The following CASP8 variants were observed in gnomAD, a reference collection of about 807,000 sequenced individuals.
CASP8 encodes caspase 8, also known as caspase-8.
Under a neutral mutation model 46.3 loss-of-function variants are expected in CASP8, and 24 were observed. The ratio of observed to expected loss-of-function variants is 0.52; its 90% CI spans 0.38 to 0.73. The LOEUF is 0.73. Ranked by LOEUF, CASP8 falls within the 30% of genes least tolerant of loss-of-function variation. The pLI is 0.00. For synonymous variants in CASP8, 188 were observed against 200.4 expected, an observed-to-expected ratio of 0.94 and a Z score of 0.52; for missense variants, 460 against 559.0, an observed-to-expected ratio of 0.82 and a Z score of 1.79.
At chr2:201,246,984 C>G (rs1309258982) in intron 2 of CASP8, among the ~76,000 whole-genome samples, 2 of 151,854 alleles carry the variant, frequency 1.3e-5, no homozygotes, top group Non-Finnish European at 2.9e-5. Context: ...ATCACGAGAT[C>G]AGGAGTTCAA....
At chr2:201,284,404 G>A (rs1263382167) in intron 7 of CASP8, among the ~76,000 whole-genome samples, 8 of 75,922 alleles carry the variant, frequency 1.1e-4, no homozygotes, top group Non-Finnish European at 3.0e-5. Flanking sequence ...CTGAGTGAAC[G>A]AGACTCCATC....
chr2:201,258,236 A>T (rs200010059), upstream of CASP8: 5 of 1,606,626 alleles, frequency 3.1e-6, no homozygotes, highest in Non-Finnish European at 4.3e-6. Flanking sequence ...GAGGCCATGG[A>T]GGGAGGCAGA....
At chr2:201,234,390 T>A (rs13416436) in intron 2 of CASP8, among the ~76,000 whole-genome samples, 10,889 of 152,214 alleles carry the variant, frequency 0.072, 1,282 homozygotes, top group African/African-American at 0.25. Context: ...CAGGGGATAC[T>A]GGGTAGTACG....
At chr2:201,262,494 G>A (rs1947492274) in intron 1 of CASP8, among the ~76,000 whole-genome samples, 1 of 151,662 alleles carries the variant, frequency 6.6e-6, no homozygotes, top group South Asian at 2.1e-4. Flanking sequence ...TAAAATATAT[G>A]TATTACATGG....
intron 2 of CASP8, among the ~76,000 whole-genome samples, chr2:201,253,009 G>C (rs1388889247): frequency 6.6e-6 from 1 of 151,966 alleles, no homozygotes; most frequent in African/African-American, 2.4e-5. Flanking sequence ...GTTTTAGACA[G>C]GGGCTCGCTC....
chr2:201,244,795 G>A (rs144963189), intron 2 of CASP8, among the ~76,000 whole-genome samples: 1 of 152,264 alleles, frequency 6.6e-6, no homozygotes, highest in East Asian at 1.9e-4. Flanking sequence ...ACCTATCTGA[G>A]TCTTTAGAAA....
In CASP8 at chr2:201,268,909, TTGTGTG is replaced by T. The variant is rs58087434; in HGVS notation, c.305+2161_305+2166del. ...CACCTAATCCAGTATGGCCTCATCT[TTGTGTG>T]TGTGTGTGTGTGTGTGTGTGTGTGT... On this transcript the variant is annotated intron_variant, in intron 2 of 8. Transcript: ENST00000673742. 3.6e-3 allele frequency among the ~76,000 whole-genome samples: 473 copies of T among 131,634 alleles called. 1 individual carries two copies. The highest frequency in any genetic ancestry group is 5.9e-3 in the African/African-American group (211 of 35,740). 86.4% of individuals were successfully genotyped at this position (131,634 alleles called of 152,430 possible).
At chr2:201,285,569 T>A (rs1286951301) in intron 8 of CASP8, among the ~76,000 whole-genome samples, 1 of 152,206 alleles carries the variant, frequency 6.6e-6, no homozygotes, top group African/African-American at 2.4e-5. Context: ...CCTTAGTTTA[T>A]AGATGGAAAA....
chr2:201,283,117 G>A (rs1949233998), intron 7 of CASP8, among the ~76,000 whole-genome samples: 1 of 67,376 alleles, frequency 1.5e-5, no homozygotes, highest in Non-Finnish European at 3.7e-5. Context: ...CTCCCTCCTG[G>A]GCGGGGCGGC....
intron 2 of CASP8, among the ~76,000 whole-genome samples, 155 bp from the exon 3 acceptor site, chr2:201,271,361 C>A (rs983791637): frequency 2.6e-5 from 4 of 152,226 alleles, no homozygotes; most frequent in Non-Finnish European, 5.9e-5. Context: ...TGTCACCACA[C>A]CAGCCTCTTT....
intron 2 of CASP8, among the ~76,000 whole-genome samples, chr2:201,254,112 G>C (rs1214094100): frequency 6.6e-6 from 1 of 151,604 alleles, no homozygotes; most frequent in Non-Finnish European, 1.5e-5. Flanking sequence ...GGAAAAGCTA[G>C]GTCAGTGACA....
intron 7 of CASP8, among the ~76,000 whole-genome samples, chr2:201,277,404 A>G (rs1175378603): frequency 6.6e-6 from 1 of 152,262 alleles, no homozygotes; most frequent in East Asian, 1.9e-4. Flanking sequence ...AGTATTAAAT[A>G]TTAAACTGGT....
intron 2 of CASP8, among the ~76,000 whole-genome samples, chr2:201,253,403 C>T (rs1320449209): frequency 1.5e-5 from 2 of 132,422 alleles, no homozygotes; most frequent in African/African-American, 2.8e-5. Flanking sequence ...TCTGAGCTTT[C>T]GTTTCTTCAA....
chr2:201,263,042 T>A (rs1947534120), intron 1 of CASP8, among the ~76,000 whole-genome samples: 1 of 152,196 alleles, frequency 6.6e-6, no homozygotes, highest in African/African-American at 2.4e-5. Context: ...ATTGTCACGT[T>A]GTTGAAAAGG....
Position 201,284,802 on chromosome 2 carries a change from A to T in CASP8, c.803-14A>T, listed in dbSNP as rs1419441273. The T allele has an allele frequency of 1.9e-6, 3 of 1,600,162 alleles. No homozygotes were observed. In the Admixed American group the frequency reaches 5.2e-5, roughly 28 times the overall value. ...ACTGTGGTATAACGTGACTGTTCAA[A>T]TTTCACTTTTCAGGGGCTTTGACCA... is the stretch of plus-strand genomic sequence containing the variant. On this transcript the variant is annotated splice_polypyrimidine_tract_variant and intron_variant, in intron 7 of 8. Transcript: ENST00000673742.
chr2:201,239,158 T>A (rs1282878301), intron 2 of CASP8, among the ~76,000 whole-genome samples: 4 of 152,170 alleles, frequency 2.6e-5, no homozygotes, highest in Non-Finnish European at 5.9e-5. Context: ...AAGTCTCCCA[T>A]GTCTACCTCT....
At chr2:201,250,360 C>T (rs544399963) in intron 2 of CASP8, among the ~76,000 whole-genome samples, 1 of 152,288 alleles carries the variant, frequency 6.6e-6, no homozygotes, top group East Asian at 1.9e-4. Context: ...TGAGGTTGGG[C>T]AATCTATAAA....
intron 7 of CASP8, among the ~76,000 whole-genome samples, chr2:201,283,915 TCTC>T (rs1949357879): frequency 3.5e-5 from 1 of 28,224 alleles, no homozygotes; most frequent in Non-Finnish European, 9.9e-5. Context: ...GCTCCTCACT[TCTC>T]AGACGGGGCG....
At chr2:201,273,062 T>C (rs1033819789) in intron 5 of CASP8, 120 bp downstream of exon 5, 20 of 765,008 alleles carry the variant, frequency 2.6e-5, no homozygotes, top group Middle Eastern at 3.9e-4. Flanking sequence ...CTTTTTCTTT[T>C]TTTTTTTTTT....
Sources: allele counts gnomAD v4.1 joint callset (sites outside exome capture counted in the v4.1 genomes callset), GRCh38; gene constraint gnomAD v4.1.1; transcripts MANE v1.5; gene names NCBI Gene and HGNC (gene_info 2026-07-23, HGNC 2026-07-21).